PALM2AKAP2: variants seen among roughly 807,000 people sequenced by gnomAD.
PALM2AKAP2 encodes the protein PALM2 and AKAP2 fusion.
PALM2AKAP2 carries 37 observed loss-of-function variants against 71.5 expected under a neutral mutation model. The ratio of observed to expected loss-of-function variants is 0.52; its 90% CI spans 0.40 to 0.68. PALM2AKAP2 has a LOEUF of 0.68. Among genes scored for constraint, PALM2AKAP2 ranks in the 30% least tolerant of loss-of-function variants. The pLI, the probability that PALM2AKAP2 is intolerant of heterozygous loss-of-function variation, is 0.00. For missense variants in PALM2AKAP2, 1,224 were observed against 1,191.8 expected (o/e 1.03, Z -0.40); for synonymous variants, 468 against 478.8 (o/e 0.98, Z 0.29).
rs151008761 is a variant in PALM2AKAP2 at position 110,165,855 on chromosome 9, A to C, written c.2749-2544A>C. Among the ~76,000 whole-genome samples, 206 of 152,374 alleles carry C rather than the reference A, an allele frequency of 1.4e-3. 1 individual carries two copies. Among genetic ancestry groups the C allele is most frequent in the Admixed American group, 4.2e-3 (64 of 15,306 alleles). ...AAATTGGATTGATAGATGGCTTGTAACAAGAGTTCCTAAAGAGCAGAGCAA... is the reference window on the plus strand; with the variant it reads ...AAATTGGATTGATAGATGGCTTGTACCAAGAGTTCCTAAAGAGCAGAGCAA... On this transcript the variant is annotated intron_variant, in intron 3 of 3. Coordinates refer to ENST00000374525, the Ensembl canonical transcript of PALM2AKAP2.
At position 110,003,282 on chromosome 9, in the gene PALM2AKAP2, G is replaced by A. The variant is rs548839253; in HGVS notation, c.497-12672G>A. ...ACATCTTTATTTCTGCCTTCATTTT[G>A]TTATGTACCCAGTAGTCATTCAGGA... On this transcript the variant is annotated intron_variant, in intron 6 of 9. Coordinates refer to the PALM2AKAP2 transcript ENST00000302798. Among the ~76,000 whole-genome samples the A allele has an allele frequency of 3.2e-3, 492 of 152,060 alleles. 3 individuals carry two copies. Among genetic ancestry groups the A allele is most frequent in the African/African-American group, 0.011 (448 of 41,402 alleles).
At chr9:109,728,785 TAAG>T (rs1319755898) in intron 1 of PALM2AKAP2, among the ~76,000 whole-genome samples, 2 of 152,134 alleles carry the variant, frequency 1.3e-5, no homozygotes, top group Non-Finnish European at 2.9e-5. Flanking sequence ...GTGGCTCCCA[TAAG>T]CTGGCTGGAC....
At chr9:109,886,178 A>G (rs1564195456) in intron 3 of PALM2AKAP2, among the ~76,000 whole-genome samples, 1 of 152,140 alleles carries the variant, frequency 6.6e-6, no homozygotes, top group Non-Finnish European at 1.5e-5. Context: ...GGAGTGACGT[A>G]TTGAGAAAGC....
At chr9:110,080,927 G>A (rs1359988465) in intron 1 of PALM2AKAP2, among the ~76,000 whole-genome samples, 3 of 152,136 alleles carry the variant, frequency 2.0e-5, no homozygotes, top group Admixed American at 6.5e-5. Context: ...TGATCCACCC[G>A]CCTTGGGCCT....
chr9:109,832,224 C>T (rs762112222), intron 1 of PALM2AKAP2, among the ~76,000 whole-genome samples: 12 of 152,212 alleles, frequency 7.9e-5, no homozygotes, highest in Admixed American at 3.3e-4. Flanking sequence ...GTGTTCCAGG[C>T]GTAAGGTTTT....
intron 1 of PALM2AKAP2, among the ~76,000 whole-genome samples, chr9:109,702,824 CT>C (rs1055642716): frequency 7.7e-4 from 109 of 141,752 alleles, no homozygotes; most frequent in Non-Finnish European, 8.1e-4. Flanking sequence ...TCTTTTCTTT[CT>C]TTTTTTTTTT....
intron 7 of PALM2AKAP2, among the ~76,000 whole-genome samples, chr9:110,039,648 C>T (rs1282984171): frequency 2.0e-5 from 3 of 152,036 alleles, no homozygotes; most frequent in Admixed American, 1.3e-4. Flanking sequence ...TTTGATATGC[C>T]TTCACCCATC....
rs1564140856 is a variant in PALM2AKAP2, at chr9:109,769,070, CATTA to C, written c.6-11417_6-11414del. On this transcript the variant is annotated intron_variant, in intron 1 of 6. Transcript: ENST00000374531. ...TTGGAAACTTTCAAGTTTTTACTTG[CATTA>C]GTTTGTTTCTGCCTTATCAGAACCC... Among the ~76,000 whole-genome samples, 746 of 152,204 alleles carry C rather than the reference CATTA, an allele frequency of 4.9e-3. 6 individuals are homozygous for C. The highest frequency in any genetic ancestry group is 0.023 in the South Asian group (111 of 4,816).
chr9:109,988,804 A>C lies in PALM2AKAP2; in HGVS notation c.497-27150A>C, dbSNP rs115911076. ...TATCCCTACCCAAATCGTATCTTTG[A>C]ATTGTAGCTCCCATAATTCCCACTT... On this transcript the variant is annotated intron_variant, in intron 6 of 9. Coordinates refer to the PALM2AKAP2 transcript ENST00000302798. 9.2e-3 allele frequency among the ~76,000 whole-genome samples: 1,395 copies of C among 152,316 alleles called. 24 individuals are homozygous for C. Among genetic ancestry groups the C allele is most frequent in the African/African-American group, 0.032 (1,313 of 41,574 alleles).
At chr9:109,846,671 T>C (rs946527413) in intron 1 of PALM2AKAP2, among the ~76,000 whole-genome samples, 1 of 152,212 alleles carries the variant, frequency 6.6e-6, no homozygotes, top group South Asian at 2.1e-4. Context: ...TTCCTGGTAG[T>C]GTTGTAAGGC....
chr9:109,869,651 T>TCCATCCATCCATCCATCCATCCA (rs148859013), intron 2 of PALM2AKAP2, among the ~76,000 whole-genome samples: 1 of 149,980 alleles, frequency 6.7e-6, no homozygotes, highest in African/African-American at 2.5e-5. Context: ...TCATCCATCT[T>TCCATCCATCCATCCATCCATCCA]TCCATCCATC....
intron 5 of PALM2AKAP2, among the ~76,000 whole-genome samples, chr9:109,926,699 T>C (rs186533506): frequency 3.9e-5 from 6 of 152,256 alleles, no homozygotes; most frequent in Admixed American, 2.0e-4. Flanking sequence ...ACTTTTTTTT[T>C]CCCTTCCCTT....
chr9:109,771,940 A>C (rs1690899049), intron 1 of PALM2AKAP2: 1 of 152,212 alleles, frequency 6.6e-6, no homozygotes, highest in African/African-American at 2.4e-5. Flanking sequence ...GCAGATAAAC[A>C]ACTGGCATGA....
chr9:109,923,922 G>T, intron 4 of PALM2AKAP2, 73 bp downstream of exon 4: 1 of 1,398,820 alleles, frequency 7.1e-7, no homozygotes. Context: ...GGTGCTAACT[G>T]GGAAACAGGC....
At chr9:109,931,896 A>G in intron 5 of PALM2AKAP2, 31 bp from the exon 6 acceptor site, 1 of 1,610,384 alleles carries the variant, frequency 6.2e-7, no homozygotes, top group East Asian at 2.2e-5. Flanking sequence ...CAACACTGTG[A>G]CTAATTGTAT....
chr9:110,106,989 G>C (rs7858461), intron 1 of PALM2AKAP2, among the ~76,000 whole-genome samples: 1 of 152,126 alleles, frequency 6.6e-6, no homozygotes, highest in Non-Finnish European at 1.5e-5. Flanking sequence ...CAATTAGCCC[G>C]ATGGAAGGTT....
chr9:109,815,401 T>C (rs183016548), intron 1 of PALM2AKAP2, among the ~76,000 whole-genome samples: 1 of 152,282 alleles, frequency 6.6e-6, no homozygotes, highest in Admixed American at 6.5e-5. Flanking sequence ...CTTCAGTAAA[T>C]CTGCATCAAA....
In PALM2AKAP2 at chr9:110,138,555, C is replaced by G. The variant is rs761783014; in HGVS notation, c.2569+16C>G. The stretch of plus-strand genomic sequence containing the variant: ...ACTGCTCCAGGTAAGTGAGGTGCCT[C>G]ACATGAGAGACAGATGCCACAGCAG... On this transcript the variant is annotated intron_variant, in intron 2 of 3. Transcript: ENST00000374525. 1 of 1,569,542 alleles carries G rather than the reference C, an allele frequency of 6.4e-7. No homozygotes were observed. The highest frequency in any genetic ancestry group is 1.9e-5 in the Admixed American group (1 of 53,802).
chr9:109,747,256 TG>T (rs1303946410), intron 1 of PALM2AKAP2, among the ~76,000 whole-genome samples: 25 of 152,212 alleles, frequency 1.6e-4, no homozygotes, highest in Non-Finnish European at 3.1e-4. Context: ...AAGTGGTTTA[TG>T]TCAGGCTAGC....
Sources: gnomAD v4.1 joint callset for allele counts (sites outside exome capture counted in the v4.1 genomes callset) on GRCh38, gnomAD v4.1.1 for gene constraint, MANE v1.5 for transcripts, NCBI Gene and HGNC (gene_info 2026-07-23, HGNC 2026-07-21) for gene names.